Variants in NHSL3 observed in about 807,000 individuals in gnomAD.
NHSL3 encodes the protein NHS-like protein 3.
At chr1:32,770,566 T>C in the NHSL3 span, 1 of 1,523,672 alleles carries the variant, frequency 6.6e-7, no homozygotes, top group Non-Finnish European at 8.8e-7. This position sits in a 1 kb window ranked among gnomAD's most constrained non-coding sequence, Gnocchi z 8.3. Flanking sequence ...TGGGAGGGGC[T>C]CTCCCAGTGG....
chr1:32,770,645 T>C, the NHSL3 span: 1 of 1,520,514 alleles, frequency 6.6e-7, no homozygotes. This position sits in a 1 kb window ranked among gnomAD's most constrained non-coding sequence, Gnocchi z 8.3. Flanking sequence ...GGCCGGAGTG[T>C]GTCCCTGCGT....
the NHSL3 span, among the ~76,000 whole-genome samples, chr1:32,753,808 G>T: frequency 6.6e-6 from 1 of 152,192 alleles, no homozygotes; most frequent in Non-Finnish European, 1.5e-5. Flanking sequence ...CACCTGGACT[G>T]GCCAGGCCTT....
chr1:32,755,470 C>T, the NHSL3 span, among the ~76,000 whole-genome samples: 1 of 152,122 alleles, frequency 6.6e-6, no homozygotes, highest in South Asian at 2.1e-4. Flanking sequence ...AGTGGGGGAC[C>T]TCTCCTCTCA....
At chr1:32,750,697 G>A in the NHSL3 span, among the ~76,000 whole-genome samples, 36 of 152,124 alleles carry the variant, frequency 2.4e-4, no homozygotes, top group African/African-American at 8.2e-4. Context: ...TAGTAGAGAC[G>A]GGGTTTCACC....
chr1:32,756,835 G>C, the NHSL3 span, among the ~76,000 whole-genome samples: 1 of 151,992 alleles, frequency 6.6e-6, no homozygotes, highest in Non-Finnish European at 1.5e-5. Flanking sequence ...CAGGCGTGGT[G>C]GTGGGCACCT....
the NHSL3 span, among the ~76,000 whole-genome samples, chr1:32,765,323 C>T: frequency 0.017 from 2,609 of 152,312 alleles, 89 homozygotes; most frequent in African/African-American, 0.06. Flanking sequence ...CAGGGAATTA[C>T]GCTAGGCAGC....
the NHSL3 span, among the ~76,000 whole-genome samples, chr1:32,756,657 C>CA: frequency 0.024 from 1,191 of 49,828 alleles, 19 homozygotes; most frequent in African/African-American, 0.07. Flanking sequence ...ACCCTGTCTC[C>CA]AAAAAAAAAA....
chr1:32,742,323 C>A, the NHSL3 span: 1 of 872,872 alleles, frequency 1.1e-6, no homozygotes, highest in Non-Finnish European at 1.5e-6. Flanking sequence ...GCGAAGAGGC[C>A]AGGGCTGAGT....
At chr1:32,764,753 G>A in the NHSL3 span, among the ~76,000 whole-genome samples, 15 of 152,190 alleles carry the variant, frequency 9.9e-5, no homozygotes, top group Admixed American at 5.2e-4. Context: ...GATTACAGGC[G>A]TGAGCCACAG....
At chr1:32,770,599 GACA>G in the NHSL3 span, 1 of 1,517,224 alleles carries the variant, frequency 6.6e-7, no homozygotes, top group Non-Finnish European at 8.8e-7. This position sits in a 1 kb window ranked among gnomAD's most constrained non-coding sequence, Gnocchi z 8.3. Flanking sequence ...TGAGGCCTCA[GACA>G]CACTCAGCAT....
At chr1:32,752,947 A>C in the NHSL3 span, among the ~76,000 whole-genome samples, 2 of 2,028 alleles carry the variant, frequency 9.9e-4, no homozygotes, top group Non-Finnish European at 1.9e-3. Context: ...ACACACACAC[A>C]CACATATATA....
At chr1:32,769,562 C>T in the NHSL3 span, 1 of 867,602 alleles carries the variant, frequency 1.2e-6, no homozygotes, top group East Asian at 2.6e-5. Context: ...CCCATACCTA[C>T]TTGACTGTGG....
the NHSL3 span, chr1:32,742,173 C>A: frequency 2.4e-6 from 3 of 1,248,054 alleles, no homozygotes; most frequent in East Asian, 3.2e-5. Context: ...CCAAGAGGGC[C>A]AAGGGCAAAG....
the NHSL3 span, chr1:32,765,848 G>A: frequency 6.5e-7 from 1 of 1,539,676 alleles, no homozygotes; most frequent in Non-Finnish European, 8.7e-7. Context: ...GTGGCTTGGG[G>A]GGAGGGGAGG....
chr1:32,747,152 A>G, the NHSL3 span, among the ~76,000 whole-genome samples: 20 of 150,934 alleles, frequency 1.3e-4, no homozygotes, highest in Non-Finnish European at 2.7e-4. Context: ...TTTGGACCAG[A>G]CATGCCCTGT....
the NHSL3 span, among the ~76,000 whole-genome samples, chr1:32,757,536 G>T: frequency 1.3e-5 from 2 of 152,178 alleles, no homozygotes; most frequent in Non-Finnish European, 2.9e-5. Flanking sequence ...ACCAGATGTT[G>T]AGAGTAAGGG....
At chr1:32,768,732 A>C in the NHSL3 span, 1 of 1,614,138 alleles carries the variant, frequency 6.2e-7, no homozygotes, top group Non-Finnish European at 8.5e-7. Context: ...GCTCCACAGC[A>C]GAGGACGCGC....
the NHSL3 span, among the ~76,000 whole-genome samples, chr1:32,763,239 C>T: frequency 6.6e-6 from 1 of 152,142 alleles, no homozygotes; most frequent in African/African-American, 2.4e-5. Context: ...CTGCCTCAGC[C>T]TCCCAAAGTG....
At chr1:32,765,644 G>T in the NHSL3 span, 3 of 1,531,442 alleles carry the variant, frequency 2.0e-6, no homozygotes, top group Non-Finnish European at 2.6e-6. Flanking sequence ...GTCTGGAGCC[G>T]GTGCTCTGCG....
Sources: allele counts gnomAD v4.1 joint callset (sites outside exome capture counted in the v4.1 genomes callset), GRCh38; gene constraint gnomAD v4.1.1; non-coding constraint Gnocchi (gnomAD v3.1); transcripts MANE v1.5; gene names NCBI Gene and HGNC (gene_info 2026-07-23, HGNC 2026-07-21).